The following SPATA13 variants were observed in gnomAD, a reference collection of about 807,000 sequenced individuals.
The protein encoded by SPATA13 is spermatogenesis-associated protein 13.
A neutral mutation model predicts 104.0 loss-of-function variants in SPATA13; 50 were observed. The observed-to-expected ratio is 0.48, with a 90% confidence interval of 0.38 to 0.61. The LOEUF (loss-of-function observed/expected upper bound fraction) is 0.61, where lower values mean the gene tolerates loss of function less well. Among genes scored for constraint, SPATA13 ranks in the 20% least tolerant of loss-of-function variants. The probability of loss-of-function intolerance (pLI) is 0.00; values close to 1 mark genes in which losing one functional copy is unlikely to be tolerated. For missense variants in SPATA13, 1,524 were observed against 1,690.6 expected (o/e 0.90, Z 1.73); for synonymous variants, 606 against 667.5 (o/e 0.91, Z 1.42).
rs1001488449 is a variant in SPATA13 at position 24,151,614 on chromosome 13, C to CT, written c.-111-71197dup. 7.2e-5 allele frequency among the ~76,000 whole-genome samples: 11 copies of CT among 151,814 alleles called. No homozygotes were observed. The East Asian group carries it at 1.2e-3, about 16-fold the overall frequency. On this transcript the variant is annotated intron_variant, in intron 3 of 14. Coordinates refer to the SPATA13 transcript ENST00000424834. ...ATGTCCATTACTGGAGTTTTTTTTC[C>CT]TTTTTTTTAAGAGTGTTGGGTCTGG...
At chr13:24,198,042 C>T (rs1870169287) in intron 1 of SPATA13, among the ~76,000 whole-genome samples, 1 of 152,132 alleles carries the variant, frequency 6.6e-6, no homozygotes, top group Non-Finnish European at 1.5e-5. Context: ...GTCGCCCAGG[C>T]TGGAGTGCAG....
At chr13:24,126,136 C>T (rs1244032439) in intron 3 of SPATA13, among the ~76,000 whole-genome samples, 1 of 152,156 alleles carries the variant, frequency 6.6e-6, no homozygotes, top group Non-Finnish European at 1.5e-5. Flanking sequence ...TTGCAAGATC[C>T]TGCTGGAATT....
At chr13:23,984,286 G>A (rs548820250) in intron 2 of SPATA13, among the ~76,000 whole-genome samples, 7 of 152,276 alleles carry the variant, frequency 4.6e-5, no homozygotes, top group Admixed American at 2.0e-4. Flanking sequence ...CAGAAGTTTC[G>A]GTATTCACCA....
chr13:24,297,349 T>G lies in SPATA13; in HGVS notation c.3211-14T>G. The G allele has an allele frequency of 6.3e-7, 1 of 1,597,134 alleles. No individual in the cohort carries two copies. Among genetic ancestry groups the G allele is most frequent in the Non-Finnish European group, 8.5e-7 (1 of 1,171,692 alleles). On this transcript the variant is annotated splice_polypyrimidine_tract_variant and intron_variant, in intron 10 of 12. Coordinates refer to ENST00000382108, the MANE Select transcript of SPATA13 (RefSeq NM_001166271.3). ...AGAATTGGAAGGTCTTAAGATGTGT[T>G]TTCATCCTTCCAGGGACTGGATATC...
intron 3 of SPATA13, among the ~76,000 whole-genome samples, chr13:24,150,647 G>A (rs1336312170): frequency 6.6e-6 from 1 of 152,130 alleles, no homozygotes; most frequent in African/African-American, 2.4e-5. Flanking sequence ...AAAAGTTGAT[G>A]TTGAAGTCTT....
intron 2 of SPATA13, among the ~76,000 whole-genome samples, chr13:23,984,335 ACTTC>A (rs1246904745): frequency 2.6e-5 from 4 of 152,176 alleles, no homozygotes; most frequent in Admixed American, 6.5e-5. Flanking sequence ...TGTCTCCTTA[ACTTC>A]CTTCATTACT....
chr13:24,149,863 G>A (rs1478712153), intron 3 of SPATA13, among the ~76,000 whole-genome samples: 2 of 152,188 alleles, frequency 1.3e-5, no homozygotes, highest in African/African-American at 4.8e-5. Context: ...GGAGTTGGGG[G>A]TGTTTCAGAA....
Position 24,251,765 on chromosome 13 carries a change from G to C in SPATA13, c.2067G>C (p.Lys689Asn). ...CTGCTCACCAGGTGCCACCCTACAAGGCTGTGTCGGCCCGGTTCCGGCCCT... is the reference window on the plus strand; with the variant it reads ...CTGCTCACCAGGTGCCACCCTACAACGCTGTGTCGGCCCGGTTCCGGCCCT... The part of the protein sequence containing the change: ...PMPAHQVPPY[K>N]AVSARFRPFT... The change falls in exon 4 of 13, where the codon AAG (lysine) becomes AAC (asparagine). Residue 689 changes from lysine to asparagine, a missense_variant. Physicochemically the swap from Lys to Asn is moderately conservative, Grantham distance 94 (BLOSUM62 0). Around this residue, in one of 2 missense-constraint regions of SPATA13, gnomAD observed 1,089 missense variants for 1,135.9 expected, o/e 0.96. Coordinates refer to ENST00000382108, the MANE Select transcript of SPATA13 (RefSeq NM_001166271.3). The C allele has an allele frequency of 1.2e-6, 2 of 1,614,178 alleles. No homozygotes were observed. The highest frequency in any genetic ancestry group is 2.7e-5 in the African/African-American group (2 of 75,046).
At chr13:23,981,732 G>A (rs7325329) in intron 1 of SPATA13, among the ~76,000 whole-genome samples, 3 of 152,002 alleles carry the variant, frequency 2.0e-5, no homozygotes, top group African/African-American at 7.3e-5. Context: ...CATGTCTCAC[G>A]GCCAGTCAGG....
At position 24,214,599 on chromosome 13, in the gene SPATA13, T is replaced by G. The variant is rs76098500; in HGVS notation, c.-111-8220T>G. ...GCAAAGAACCCTGACCCCAAATTCTTAGCCTCAGCTGCTGCCCTTCCTCCC... is the reference window on the plus strand; with the variant it reads ...GCAAAGAACCCTGACCCCAAATTCTGAGCCTCAGCTGCTGCCCTTCCTCCC... On this transcript the variant is annotated intron_variant, in intron 1 of 12. Coordinates refer to ENST00000382108, the MANE Select transcript of SPATA13 (RefSeq NM_001166271.3). Among the ~76,000 whole-genome samples, 1,335 of 152,312 alleles carry G rather than the reference T, an allele frequency of 8.8e-3. 24 individuals are homozygous for G. The highest frequency in any genetic ancestry group is 0.031 in the African/African-American group (1,288 of 41,572).
intron 3 of SPATA13, among the ~76,000 whole-genome samples, chr13:24,091,895 C>G (rs1879921925): frequency 6.6e-6 from 1 of 152,092 alleles, no homozygotes; most frequent in African/African-American, 2.4e-5. Context: ...TTATTCTGCC[C>G]CTCTCATGGC....
At chr13:24,191,658 C>T (rs894479574) in intron 1 of SPATA13, among the ~76,000 whole-genome samples, 5 of 151,696 alleles carry the variant, frequency 3.3e-5, no homozygotes, top group African/African-American at 7.3e-5. Flanking sequence ...TACAGGCGCC[C>T]GCCACCACAC....
At chr13:24,232,063 A>T (rs1872308003) in intron 2 of SPATA13, among the ~76,000 whole-genome samples, 1 of 152,214 alleles carries the variant, frequency 6.6e-6, no homozygotes, top group South Asian at 2.1e-4. Context: ...AACCAATAGG[A>T]TACATATGAA....
At chr13:24,192,031 AACAAGCCCCC>A (rs1869789167) in intron 1 of SPATA13, among the ~76,000 whole-genome samples, 1 of 152,152 alleles carries the variant, frequency 6.6e-6, no homozygotes, top group African/African-American at 2.4e-5. Flanking sequence ...GAGTCCTGCT[AACAAGCCCCC>A]ACCTCACCCA....
At chr13:24,291,738 T>TTC (rs1876364362) in intron 9 of SPATA13, among the ~76,000 whole-genome samples, 2 of 41,156 alleles carry the variant, frequency 4.9e-5, no homozygotes, top group Admixed American at 1.8e-4. Flanking sequence ...CTCTCTGTCT[T>TTC]TATTTTTTTA....
intron 2 of SPATA13, among the ~76,000 whole-genome samples, chr13:24,247,753 G>C (rs768072556): frequency 3.3e-5 from 5 of 152,076 alleles, no homozygotes; most frequent in African/African-American, 1.2e-4. Context: ...AAAGTGCTGG[G>C]ATTACGGACG....
intron 1 of SPATA13, among the ~76,000 whole-genome samples, chr13:24,191,666 C>T (rs1381867829): frequency 1.3e-5 from 2 of 151,906 alleles, no homozygotes; most frequent in Non-Finnish European, 2.9e-5. Flanking sequence ...CCCGCCACCA[C>T]ACCCTGCTAA....
At chr13:24,246,850 C>T (rs575284106) in intron 2 of SPATA13, among the ~76,000 whole-genome samples, 3 of 151,242 alleles carry the variant, frequency 2.0e-5, no homozygotes, top group South Asian at 2.1e-4. Flanking sequence ...TGACAGAGTA[C>T]GACTCCATCT....
At chr13:24,060,591 ATTAAAC>A (rs1253904139) in intron 3 of SPATA13, among the ~76,000 whole-genome samples, 3 of 152,378 alleles carry the variant, frequency 2.0e-5, no homozygotes, top group South Asian at 4.1e-4. Context: ...ATAGGATCTA[ATTAAAC>A]TTAAGAGCTT....
Sources: gnomAD v4.1 joint callset for allele counts (sites outside exome capture counted in the v4.1 genomes callset) on GRCh38, gnomAD v4.1.1 for gene constraint, gnomAD v4.1.1 regional missense constraint, MANE v1.5 for transcripts, NCBI Gene and HGNC (gene_info 2026-07-23, HGNC 2026-07-21) for gene names.